Variants in GPC6 observed in about 807,000 individuals in gnomAD.
GPC6 encodes glypican 6, also known as glypican-6.
GPC6 carries 14 observed loss-of-function variants against 55.2 expected under a neutral mutation model. That is an observed-to-expected ratio of 0.25 (90% CI 0.17 to 0.40). The LOEUF (loss-of-function observed/expected upper bound fraction) is 0.40, where lower values mean the gene tolerates loss of function less well. Ranked by LOEUF, GPC6 falls within the 10% of genes least tolerant of loss-of-function variation. The probability of loss-of-function intolerance (pLI) is 1.00; values close to 1 mark genes in which losing one functional copy is unlikely to be tolerated. For synonymous variants in GPC6, 278 were observed against 259.6 expected (o/e 1.07, Z -0.68); for missense variants, 641 against 708.5 (o/e 0.90, Z 1.08).
chr13:93,231,895 A>G (rs904294237), intron 1 of GPC6, among the ~76,000 whole-genome samples: 4 of 152,272 alleles, frequency 2.6e-5, no homozygotes, highest in East Asian at 1.9e-4. Context: ...AAAAAGCACT[A>G]AAGTCTTCAT....
chr13:93,948,751 A>T (rs1445283018), intron 3 of GPC6, among the ~76,000 whole-genome samples: 1 of 152,210 alleles, frequency 6.6e-6, no homozygotes, highest in East Asian at 1.9e-4. Flanking sequence ...AAACACTAAA[A>T]TTATATTTAT....
chr13:93,751,682 T>C (rs899085044), intron 2 of GPC6, among the ~76,000 whole-genome samples: 1 of 151,804 alleles, frequency 6.6e-6, no homozygotes, highest in Non-Finnish European at 1.5e-5. Flanking sequence ...CCACCATGCC[T>C]GGCTAATTTT....
intron 4 of GPC6, among the ~76,000 whole-genome samples, chr13:94,200,513 G>A (rs1307932602): frequency 1.3e-5 from 2 of 152,174 alleles, no homozygotes; most frequent in African/African-American, 4.8e-5. Context: ...TGGAAGAAGA[G>A]GCTTGGAATG....
intron 3 of GPC6, among the ~76,000 whole-genome samples, chr13:93,839,648 T>C (rs1187807913): frequency 1.3e-5 from 2 of 152,150 alleles, no homozygotes; most frequent in Non-Finnish European, 2.9e-5. Flanking sequence ...GCAAGGTATG[T>C]GATACCATGG....
At chr13:93,665,389 G>A (rs1164583073) in intron 2 of GPC6, among the ~76,000 whole-genome samples, 1 of 152,132 alleles carries the variant, frequency 6.6e-6, no homozygotes, top group African/African-American at 2.4e-5. Context: ...GTGTGTGGAG[G>A]TTTTCTACAT....
At chr13:93,991,873 A>G (rs1463944918) in intron 3 of GPC6, among the ~76,000 whole-genome samples, 1 of 152,152 alleles carries the variant, frequency 6.6e-6, no homozygotes, top group Non-Finnish European at 1.5e-5. Flanking sequence ...TAGAATTGAC[A>G]TGTTTTTTAA....
At chr13:93,679,110 C>G (rs1447346268) in intron 2 of GPC6, among the ~76,000 whole-genome samples, 1 of 151,784 alleles carries the variant, frequency 6.6e-6, no homozygotes, top group African/African-American at 2.4e-5. Flanking sequence ...TATTCTGAAC[C>G]TAGTGTTTTA....
At chr13:93,574,891 T>G (rs1412964001) in intron 2 of GPC6, among the ~76,000 whole-genome samples, 1 of 152,256 alleles carries the variant, frequency 6.6e-6, no homozygotes, top group Non-Finnish European at 1.5e-5. Flanking sequence ...ATCAGACTTT[T>G]ATTTTGTTAA....
At chr13:94,340,053 G>A (rs750437336) in intron 6 of GPC6, among the ~76,000 whole-genome samples, 2 of 152,062 alleles carry the variant, frequency 1.3e-5, no homozygotes, top group Non-Finnish European at 2.9e-5. Context: ...TTGAGCCAGC[G>A]CACCAGCCTA....
chr13:93,898,966 TACACACAC>T (rs1555340187), intron 3 of GPC6, among the ~76,000 whole-genome samples: 1 of 137,086 alleles, frequency 7.3e-6, no homozygotes, highest in African/African-American at 2.7e-5. Flanking sequence ...TATATATATA[TACACACAC>T]ATATATATAC....
At chr13:93,659,945 C>A (rs910963325) in intron 2 of GPC6, among the ~76,000 whole-genome samples, 3 of 151,984 alleles carry the variant, frequency 2.0e-5, no homozygotes, top group Non-Finnish European at 2.9e-5. Context: ...TGTAGATTAA[C>A]ATTGACAATG....
At chr13:93,497,154 G>T (rs1165188847) in intron 1 of GPC6, among the ~76,000 whole-genome samples, 2 of 152,154 alleles carry the variant, frequency 1.3e-5, no homozygotes, top group Non-Finnish European at 2.9e-5. Flanking sequence ...CAAAAATCTA[G>T]ATTTTTTTCC....
intron 6 of GPC6, among the ~76,000 whole-genome samples, chr13:94,321,892 A>T (rs1876846300): frequency 6.6e-6 from 1 of 152,164 alleles, no homozygotes; most frequent in African/African-American, 2.4e-5. Flanking sequence ...TCTTTCATGA[A>T]CTATTTTCAC....
At chr13:93,739,858 G>T (rs1201883228) in intron 2 of GPC6, among the ~76,000 whole-genome samples, 3 of 152,196 alleles carry the variant, frequency 2.0e-5, no homozygotes, top group Admixed American at 6.5e-5. Context: ...TTTGGGGAAA[G>T]AAGTCACACA....
chr13:94,178,986 T>C (rs1314867170), intron 4 of GPC6, among the ~76,000 whole-genome samples: 1 of 152,160 alleles, frequency 6.6e-6, no homozygotes, highest in Non-Finnish European at 1.5e-5. Flanking sequence ...GCTACTGAGT[T>C]CCCCCTTTCT....
chr13:93,667,735 G>GTTT lies in GPC6; in HGVS notation c.319+122325_319+122327dup, dbSNP rs71126408. Among the ~76,000 whole-genome samples, 250 of 123,152 alleles carry GTTT rather than the reference G, an allele frequency of 2.0e-3. 2 individuals carry two copies. The highest frequency in any genetic ancestry group is 8.7e-3 in the African/African-American group (236 of 27,014). 80.8% of individuals were successfully genotyped at this position (123,152 alleles called of 152,430 possible). A position where few individuals can be genotyped will look rare whatever the true frequency, so the allele number is the denominator to read the frequency against. Reference sequence around the variant, plus strand: ...AAACCACCACACCCAGCCAGGACTTGTTTTTTTTTTTTTCTGTCAAATTTG... The same window carrying GTTT: ...AAACCACCACACCCAGCCAGGACTTGTTTTTTTTTTTTTTTTCTGTCAAATTTG... On this transcript the variant is annotated intron_variant, in intron 2 of 8. Coordinates refer to ENST00000377047, the MANE Select transcript of GPC6 (RefSeq NM_005708.5).
intron 2 of GPC6, among the ~76,000 whole-genome samples, chr13:93,552,689 A>G (rs759056842): frequency 1.2e-4 from 18 of 152,158 alleles, no homozygotes; most frequent in African/African-American, 3.1e-4. Flanking sequence ...ATTATCACCA[A>G]TTCCCTTGCA....
intron 1 of GPC6, among the ~76,000 whole-genome samples, chr13:93,294,128 A>G (rs1878402942): frequency 1.3e-5 from 2 of 152,192 alleles, no homozygotes; most frequent in African/African-American, 4.8e-5. Context: ...ATTATTTTCT[A>G]TTCACTATTT....
intron 3 of GPC6, among the ~76,000 whole-genome samples, chr13:93,974,725 G>T (rs141241571): frequency 6.0e-4 from 92 of 152,168 alleles, no homozygotes; most frequent in Non-Finnish European, 1.2e-3. Context: ...TGAATAAGAT[G>T]CATGGAAATG....
Sources: gnomAD v4.1 joint callset for allele counts (sites outside exome capture counted in the v4.1 genomes callset) on GRCh38, gnomAD v4.1.1 for gene constraint, MANE v1.5 for transcripts, NCBI Gene and HGNC (gene_info 2026-07-23, HGNC 2026-07-21) for gene names.